PRKACB: variants seen among roughly 807,000 people sequenced by gnomAD.
PRKACB encodes cAMP-dependent protein kinase catalytic subunit beta.
In PRKACB, 16 loss-of-function variants were observed where a neutral mutation model predicts 51.4. The observed-to-expected ratio is 0.31, with a 90% CI of 0.21 to 0.47. The LOEUF (loss-of-function observed/expected upper bound fraction) is 0.47, where lower values mean the gene tolerates loss of function less well. PRKACB is among the 20% of genes least tolerant of loss of function. PRKACB has a pLI of 1.00. For missense variants in PRKACB, 309 were observed against 464.5 expected (o/e 0.67, Z 3.08); for synonymous variants, 147 against 154.4 (o/e 0.95, Z 0.35).
intron 1 of PRKACB, among the ~76,000 whole-genome samples, chr1:84,112,117 G>T (rs1488821233): frequency 6.6e-6 from 1 of 151,522 alleles, no homozygotes; most frequent in Non-Finnish European, 1.5e-5. Flanking sequence ...TAGTTTTACA[G>T]AATGAGAATA....
chr1:84,106,831 A>G (rs1347974302), intron 1 of PRKACB, among the ~76,000 whole-genome samples: 2 of 152,228 alleles, frequency 1.3e-5, no homozygotes, highest in African/African-American at 4.8e-5. Flanking sequence ...AGCTGGAAGA[A>G]TCACATTGCC....
At chr1:84,166,522 C>T (rs1657528222) in intron 1 of PRKACB, among the ~76,000 whole-genome samples, 1 of 151,624 alleles carries the variant, frequency 6.6e-6, no homozygotes, top group Non-Finnish European at 1.5e-5. Flanking sequence ...TATTGGCTTT[C>T]CCTTCTAGCC....
upstream of PRKACB, among the ~76,000 whole-genome samples, chr1:84,139,389 T>C (rs993981246): frequency 6.6e-6 from 1 of 152,166 alleles, no homozygotes; most frequent in African/African-American, 2.4e-5. Context: ...ACAAAAGTAA[T>C]AGAGGTTTTT....
intron 1 of PRKACB, among the ~76,000 whole-genome samples, chr1:84,156,372 T>A (rs1292738970): frequency 6.6e-6 from 1 of 152,198 alleles, no homozygotes; most frequent in Non-Finnish European, 1.5e-5. Flanking sequence ...AAATTTTATG[T>A]ACCTTGTCTT....
At chr1:84,175,895 G>A in intron 1 of PRKACB, 1 of 1,072,660 alleles carries the variant, frequency 9.3e-7, no homozygotes, top group Non-Finnish European at 1.3e-6. Context: ...GTATACTTTT[G>A]GGAATAAATT....
intron 1 of PRKACB, among the ~76,000 whole-genome samples, chr1:84,095,441 C>T (rs575694136): frequency 6.6e-6 from 1 of 151,788 alleles, no homozygotes; most frequent in Non-Finnish European, 1.5e-5. Flanking sequence ...GAATTACTTT[C>T]TTTGAACACT....
intron 8 of PRKACB, chr1:84,204,348 C>G: frequency 5.0e-6 from 3 of 595,900 alleles, no homozygotes; most frequent in Non-Finnish European, 8.9e-6. Flanking sequence ...GAATGCTGTG[C>G]ACTGATAAAG....
chr1:84,132,024 C>T (rs1652267568), intron 1 of PRKACB, among the ~76,000 whole-genome samples: 1 of 152,104 alleles, frequency 6.6e-6, no homozygotes, highest in Non-Finnish European at 1.5e-5. Context: ...TTATTAGACC[C>T]CTATCCTGGT....
chr1:84,208,029 G>A lies in PRKACB; in HGVS notation c.906+5224G>A, dbSNP rs535366370. 2.6e-4 allele frequency among the ~76,000 whole-genome samples: 39 copies of A among 152,096 alleles called. No homozygotes were observed. In the South Asian group the frequency reaches 4.2e-3, roughly 16 times the overall value. The stretch of plus-strand genomic sequence containing the variant: ...ACTACAGGCATGTGCCACCACGCCC[G>A]GCTAATTTTTGTGTTTTTAGTAGGG... On this transcript the variant is annotated intron_variant, in intron 8 of 9. Transcript: ENST00000370685.
chr1:84,167,611 G>T (rs1281352495), intron 1 of PRKACB, among the ~76,000 whole-genome samples: 1 of 151,480 alleles, frequency 6.6e-6, no homozygotes, highest in African/African-American at 2.4e-5. Flanking sequence ...TCAAGTCAAG[G>T]ACAGTGCCTT....
chr1:84,095,248 T>G (rs1415766597), intron 1 of PRKACB, among the ~76,000 whole-genome samples: 2 of 35,860 alleles, frequency 5.6e-5, no homozygotes, highest in Admixed American at 2.5e-4. Flanking sequence ...ATATTTGCTG[T>G]TTTTTTTTTT....
At chr1:84,086,932 G>C (rs114555553) in intron 1 of PRKACB, among the ~76,000 whole-genome samples, 1 of 152,288 alleles carries the variant, frequency 6.6e-6, no homozygotes, top group Non-Finnish European at 1.5e-5. Flanking sequence ...GGGCTTAACT[G>C]TGAACAAATC....
chr1:84,100,298 C>T (rs945589088), intron 1 of PRKACB, among the ~76,000 whole-genome samples: 3 of 152,114 alleles, frequency 2.0e-5, no homozygotes, highest in African/African-American at 7.2e-5. Flanking sequence ...GGGTCCCTCC[C>T]TCAACACGTG....
chr1:84,175,341 A>G (rs1660868153), intron 1 of PRKACB, among the ~76,000 whole-genome samples: 1 of 151,768 alleles, frequency 6.6e-6, no homozygotes, highest in African/African-American at 2.4e-5. Flanking sequence ...TAAAAGAAAG[A>G]TAAATAAGTA....
chr1:84,194,454 G>C (rs2101155764), intron 5 of PRKACB, among the ~76,000 whole-genome samples: 1 of 152,258 alleles, frequency 6.6e-6, no homozygotes, highest in Middle Eastern at 3.4e-3. Flanking sequence ...TTATTGTTTA[G>C]CATGGCTTTA....
At chr1:84,233,004 A>G (rs931555161) in intron 9 of PRKACB, among the ~76,000 whole-genome samples, 1 of 151,852 alleles carries the variant, frequency 6.6e-6, no homozygotes, top group Non-Finnish European at 1.5e-5. Context: ...GTTTCTTCAT[A>G]GTCTCGATGG....
intron 1 of PRKACB, among the ~76,000 whole-genome samples, chr1:84,089,486 A>G (rs896794499): frequency 7.2e-5 from 11 of 152,158 alleles, no homozygotes; most frequent in African/African-American, 2.2e-4. Context: ...TATTCAAGGC[A>G]TGTATCATTC....
At chr1:84,079,826 C>T (rs772391141) in intron 1 of PRKACB, among the ~76,000 whole-genome samples, 3 of 152,036 alleles carry the variant, frequency 2.0e-5, no homozygotes, top group African/African-American at 4.8e-5. Context: ...CCACCACACC[C>T]GGCTAATTTT....
chr1:84,151,147 A>G (rs1654815477), intron 1 of PRKACB, among the ~76,000 whole-genome samples: 1 of 152,164 alleles, frequency 6.6e-6, no homozygotes, highest in African/African-American at 2.4e-5. Flanking sequence ...CCAGTTCCAG[A>G]CCACCACAAT....
Sources: gnomAD v4.1 joint callset for allele counts (sites outside exome capture counted in the v4.1 genomes callset) on GRCh38, gnomAD v4.1.1 for gene constraint, MANE v1.5 for transcripts, NCBI Gene and HGNC (gene_info 2026-07-23, HGNC 2026-07-21) for gene names.